MRE11: variants seen among roughly 807,000 people sequenced by gnomAD.
The protein encoded by MRE11 is MRE11 double strand break repair nuclease.
Under a neutral mutation model 91.7 loss-of-function variants are expected in MRE11, and 62 were observed. The observed-to-expected ratio is 0.68, with a 90% CI of 0.55 to 0.84. The LOEUF (loss-of-function observed/expected upper bound fraction) is 0.84. Ranked by LOEUF, MRE11 falls within the 40% of genes least tolerant of loss-of-function variation. MRE11 has a pLI of 0.00. For synonymous variants in MRE11, 273 were observed against 271.4 expected (o/e 1.01, Z -0.06); for missense variants, 796 against 852.9 (o/e 0.93, Z 0.83).
At chr11:94,498,605 G>T, upstream of MRE11, 1 of 1,308,562 alleles carries the variant, frequency 7.6e-7, no homozygotes, top group Non-Finnish European at 1.1e-6. Flanking sequence ...CATAATCAAA[G>T]TTGACGTCAA....
chr11:94,431,795 A>G (rs1311138655), intron 18 of MRE11, among the ~76,000 whole-genome samples: 1 of 152,258 alleles, frequency 6.6e-6, no homozygotes, highest in Non-Finnish European at 1.5e-5. Context: ...CATAGGAAGT[A>G]CCAAACAACT....
chr11:94,465,038 C>T (rs944283947), intron 10 of MRE11, among the ~76,000 whole-genome samples: 3 of 152,160 alleles, frequency 2.0e-5, no homozygotes, highest in Non-Finnish European at 2.9e-5. Context: ...GCACCTCCAC[C>T]TCCTGTAAGC....
intron 3 of MRE11, among the ~76,000 whole-genome samples, chr11:94,486,539 C>T (rs1399499959): frequency 6.6e-6 from 1 of 152,168 alleles, no homozygotes; most frequent in South Asian, 2.1e-4. Context: ...TGACTCTATG[C>T]AAGACCCTCT....
intron 13 of MRE11, 150 bp from the exon 14 acceptor site, chr11:94,456,488 T>A: frequency 1.4e-6 from 1 of 698,434 alleles, no homozygotes; most frequent in Non-Finnish European, 2.4e-6. Context: ...TTCCAATTAT[T>A]AACGTTAAAA....
At chr11:94,434,209 C>G (rs889065765) in intron 18 of MRE11, among the ~76,000 whole-genome samples, 2 of 152,120 alleles carry the variant, frequency 1.3e-5, no homozygotes, top group Admixed American at 1.3e-4. Flanking sequence ...ATCCCCAGAA[C>G]CTAGCATGAT....
At chr11:94,444,044 C>T (rs1019116106) in intron 16 of MRE11, among the ~76,000 whole-genome samples, 1 of 151,218 alleles carries the variant, frequency 6.6e-6, no homozygotes, top group African/African-American at 2.4e-5. Flanking sequence ...GTAGCTGGGA[C>T]TACAGGTGCA....
At chr11:94,478,656 G>A in intron 6 of MRE11, 79 bp downstream of exon 6, 1 of 1,543,204 alleles carries the variant, frequency 6.5e-7, no homozygotes, top group Non-Finnish European at 8.9e-7. Context: ...TTTCCAAACA[G>A]ATACAAACTT....
At chr11:94,434,097 T>C (rs1168721984) in intron 18 of MRE11, among the ~76,000 whole-genome samples, 1 of 152,176 alleles carries the variant, frequency 6.6e-6, no homozygotes, top group Non-Finnish European at 1.5e-5. Flanking sequence ...TTAGGTTTCA[T>C]TACACCTGAA....
At position 94,419,494 on chromosome 11, in the gene MRE11, G is replaced by GAGAGAGAGAGAGAA. The variant is rs1945114331; in HGVS notation, c.*630_*631insTTCTCTCTCTCTCT. 1 of 231,584 alleles carries GAGAGAGAGAGAGAA rather than the reference G, an allele frequency of 4.3e-6. No individual in the cohort carries two copies. The highest frequency in any genetic ancestry group is 2.2e-5 in the African/African-American group (1 of 44,832). The allele number at this position is 231,584 out of a possible 1,614,324, so 14.3% of individuals were successfully genotyped here. A position where few individuals can be genotyped will look rare whatever the true frequency, so the allele number is the denominator to read the frequency against. On this transcript the variant is annotated 3_prime_UTR_variant, in exon 20 of 20. Transcript: ENST00000323929. ...AGAGAGAGAGAGAGAGAGAGAGAGAGAACACCATTAAGGATACAGAATAAT... is the reference window on the plus strand; with the variant it reads ...AGAGAGAGAGAGAGAGAGAGAGAGAGAGAGAGAGAGAGAAAACACCATTAAGGATACAGAATAAT...
intron 14 of MRE11, among the ~76,000 whole-genome samples, chr11:94,454,962 C>T (rs1012752427): frequency 2.6e-5 from 4 of 152,082 alleles, no homozygotes; most frequent in African/African-American, 4.8e-5. Context: ...ATATAATAAA[C>T]GTGTTAAGCC....
chr11:94,493,608 C>G (rs1014068775), intron 1 of MRE11, 183 bp downstream of exon 1: 1 of 152,356 alleles, frequency 6.6e-6, no homozygotes, highest in African/African-American at 2.4e-5. Context: ...GCCCGCTCTT[C>G]CCGAGGTTCC....
At chr11:94,491,446 T>C (rs1947279808) in intron 2 of MRE11, among the ~76,000 whole-genome samples, 1 of 152,180 alleles carries the variant, frequency 6.6e-6, no homozygotes, top group Admixed American at 6.5e-5. Flanking sequence ...CTCTACAGAG[T>C]TAGATTTCAT....
chr11:94,503,935 T>C, the MRE11 span, among the ~76,000 whole-genome samples: 1 of 149,284 alleles, frequency 6.7e-6, no homozygotes, highest in Admixed American at 6.7e-5. Context: ...AGTCTAGAAA[T>C]AAATCCAGAT....
rs753061100 is a variant in MRE11 at position 94,478,781 on chromosome 11, C to T, written c.498G>A (p.Pro166=). 16 of 1,613,466 alleles carry T rather than the reference C, an allele frequency of 9.9e-6. No homozygotes were observed. Among genetic ancestry groups the T allele is most frequent in the Middle Eastern group, 3.4e-4 (2 of 5,800 alleles). ...TTGTGCTTCCTTTTTGAAGCAAAAC[C>T]GGACTAATGTCTATCTTCTCCACAG... ...SMSVEKIDIS[P]VLLQKGSTKI... Residue 166 remains proline, a synonymous_variant, in exon 6 of 20, where the codon CCG becomes CCA. Coordinates refer to ENST00000323929, the MANE Select transcript of MRE11 (RefSeq NM_005591.4).
In MRE11 at chr11:94,416,513, A is replaced by G. The variant is rs1945033559; in HGVS notation, c.*3612T>C. 1 of 152,084 alleles carries G rather than the reference A, an allele frequency of 6.6e-6. No homozygotes were observed. Among genetic ancestry groups the G allele is most frequent in the Non-Finnish European group, 1.5e-5 (1 of 68,016 alleles). 9.4% of individuals were successfully genotyped at this position (152,084 alleles called of 1,614,324 possible). On this transcript the variant is annotated 3_prime_UTR_variant, in exon 20 of 20. Transcript: ENST00000323929. ...GAAAAACCCAAATCTTCATTATACC[A>G]AACTTCTATAATGATCTTAATGGTA...
chr11:94,434,644 G>A (rs909442708), intron 18 of MRE11, among the ~76,000 whole-genome samples: 1 of 152,020 alleles, frequency 6.6e-6, no homozygotes, highest in Non-Finnish European at 1.5e-5. Context: ...TCTTATCTTT[G>A]AAACCTCAGG....
intron 15 of MRE11, among the ~76,000 whole-genome samples, chr11:94,446,222 A>T (rs1257656555): frequency 6.6e-6 from 1 of 152,210 alleles, no homozygotes; most frequent in Non-Finnish European, 1.5e-5. Flanking sequence ...AGCCTGGCCA[A>T]CATGGTGAAA....
At chr11:94,442,000 A>AAAAC (rs1945794128) in intron 16 of MRE11, among the ~76,000 whole-genome samples, 1 of 150,386 alleles carries the variant, frequency 6.6e-6, no homozygotes, top group African/African-American at 2.4e-5. Context: ...AAAAAAAAAA[A>AAAAC]GTGATCAGAA....
chr11:94,434,000 C>T (rs557667392), intron 18 of MRE11, among the ~76,000 whole-genome samples: 25 of 152,280 alleles, frequency 1.6e-4, no homozygotes, highest in African/African-American at 5.1e-4. Context: ...TGCATGCTAA[C>T]TGATCGGCTG....
Sources: gnomAD v4.1 joint callset for allele counts (sites outside exome capture counted in the v4.1 genomes callset) on GRCh38, gnomAD v4.1.1 for gene constraint, MANE v1.5 for transcripts, NCBI Gene and HGNC (gene_info 2026-07-23, HGNC 2026-07-21) for gene names.